The following ESRRG variants were observed in gnomAD, a reference collection of about 807,000 sequenced individuals.
The protein encoded by ESRRG is estrogen-related receptor gamma.
In ESRRG, 13 loss-of-function variants were observed where a neutral mutation model predicts 44.0. That is an observed-to-expected ratio of 0.30 (90% CI 0.19 to 0.47). The LOEUF (loss-of-function observed/expected upper bound fraction) is 0.47, where lower values mean the gene tolerates loss of function less well. Among genes scored for constraint, ESRRG ranks in the 20% least tolerant of loss-of-function variants. The pLI, the probability that ESRRG is intolerant of heterozygous loss-of-function variation, is 1.00. For missense variants in ESRRG, 395 were observed against 580.6 expected, an observed-to-expected ratio of 0.68 and a Z score of 3.29; for synonymous variants, 215 against 214.6, an observed-to-expected ratio of 1.00 and a Z score of -0.02.
At chr1:216,567,207 A>G (rs997526066) in intron 4 of ESRRG, among the ~76,000 whole-genome samples, 1 of 152,216 alleles carries the variant, frequency 6.6e-6, no homozygotes, top group Non-Finnish European at 1.5e-5. Context: ...ATTCATAAAC[A>G]TCCTAAAACG....
intron 2 of ESRRG, among the ~76,000 whole-genome samples, chr1:216,919,974 C>G (rs967868780): frequency 6.6e-6 from 1 of 152,102 alleles, no homozygotes; most frequent in East Asian, 1.9e-4. Context: ...GTGGCAGATG[C>G]CAGGCGAAGC....
intron 1 of ESRRG, chr1:216,714,435 C>G (rs965017262): frequency 4.0e-5 from 8 of 202,212 alleles, no homozygotes; most frequent in Non-Finnish European, 7.0e-5. Context: ...TCCCCCCACA[C>G]TTCAGGTTAT....
At chr1:216,853,143 C>T (rs1048590669) in intron 2 of ESRRG, among the ~76,000 whole-genome samples, 25 of 152,140 alleles carry the variant, frequency 1.6e-4, no homozygotes, top group Admixed American at 6.6e-5. Flanking sequence ...TGCTAAAGGA[C>T]TGAATCAAGT....
chr1:216,897,511 A>G (rs867644552), intron 2 of ESRRG, among the ~76,000 whole-genome samples: 26 of 152,334 alleles, frequency 1.7e-4, no homozygotes, highest in Middle Eastern at 3.4e-3. Context: ...GACAAATGCC[A>G]TTTCAAACAG....
At chr1:216,684,310 A>G (rs2151614799) in intron 1 of ESRRG, among the ~76,000 whole-genome samples, 1 of 152,328 alleles carries the variant, frequency 6.6e-6, no homozygotes, top group African/African-American at 2.4e-5. Context: ...GTGATATCAC[A>G]ATGTGTTGCA....
intron 2 of ESRRG, among the ~76,000 whole-genome samples, chr1:216,759,158 T>C (rs1427029439): frequency 6.6e-6 from 1 of 152,134 alleles, no homozygotes; most frequent in Non-Finnish European, 1.5e-5. Context: ...GAGTTCTAAT[T>C]TGCAAGTTTT....
intron 1 of ESRRG, among the ~76,000 whole-genome samples, chr1:216,710,119 T>C (rs969792150): frequency 2.6e-5 from 4 of 152,118 alleles, no homozygotes; most frequent in African/African-American, 7.2e-5. Flanking sequence ...CGGGTACAAG[T>C]CCAGAGTGGC....
At chr1:216,618,713 C>T (rs1420844051) in intron 3 of ESRRG, among the ~76,000 whole-genome samples, 1 of 152,156 alleles carries the variant, frequency 6.6e-6, no homozygotes, top group African/African-American at 2.4e-5. Flanking sequence ...CAGGGGAGAG[C>T]ATAAACCTCA....
rs1016995984 is a variant in ESRRG at position 216,504,048 on chromosome 1, T to G, written c.*2891A>C. On this transcript the variant is annotated 3_prime_UTR_variant, in exon 7 of 7. Coordinates refer to ENST00000408911, the MANE Select transcript of ESRRG (RefSeq NM_001438.4). ...TTTCCTATTTGTGAGATACTTACTC[T>G]TTTGTAATGCTGAGAGTTACTTAAA... The G allele has an allele frequency of 1.3e-5, 2 of 152,562 alleles. No homozygotes were observed. The highest frequency in any genetic ancestry group is 2.4e-5 in the African/African-American group (1 of 41,438). The allele number at this position is 152,562 out of a possible 1,614,324, so 9.5% of individuals were successfully genotyped here.
chr1:216,868,065 T>A (rs2096198371), intron 2 of ESRRG, among the ~76,000 whole-genome samples: 1 of 150,784 alleles, frequency 6.6e-6, no homozygotes, highest in Non-Finnish European at 1.5e-5. Context: ...TCCAAATTGT[T>A]GTGTATATTG....
chr1:217,075,595 C>G (rs1008042770), intron 1 of ESRRG, among the ~76,000 whole-genome samples: 3 of 146,954 alleles, frequency 2.0e-5, no homozygotes, highest in Admixed American at 6.7e-5. Context: ...CCTTTCCCCC[C>G]CCCAACATTA....
At chr1:216,525,469 G>T (rs2047360031) in intron 5 of ESRRG, among the ~76,000 whole-genome samples, 1 of 151,816 alleles carries the variant, frequency 6.6e-6, no homozygotes, top group Non-Finnish European at 1.5e-5. Context: ...AAGCCAAGAA[G>T]AAAGAAAAAA....
At chr1:216,607,130 A>G (rs1376596023) in intron 3 of ESRRG, among the ~76,000 whole-genome samples, 14 of 152,212 alleles carry the variant, frequency 9.2e-5, no homozygotes, top group Non-Finnish European at 5.9e-5. Flanking sequence ...TGTTACCTAG[A>G]AAGTATAAAA....
chr1:217,041,434 T>C (rs2083848143), intron 1 of ESRRG, among the ~76,000 whole-genome samples: 1 of 152,170 alleles, frequency 6.6e-6, no homozygotes, highest in Admixed American at 6.5e-5. Context: ...CACACATATG[T>C]ATATATCCAT....
intron 3 of ESRRG, among the ~76,000 whole-genome samples, chr1:216,614,504 C>A (rs907988253): frequency 2.6e-5 from 4 of 152,144 alleles, no homozygotes; most frequent in Non-Finnish European, 4.4e-5. Context: ...TAAGTGCATA[C>A]CATTAACAAT....
chr1:216,781,328 T>C (rs932669498), intron 2 of ESRRG, among the ~76,000 whole-genome samples: 2 of 151,896 alleles, frequency 1.3e-5, no homozygotes, highest in South Asian at 2.1e-4. Flanking sequence ...AGTAAGGCCA[T>C]AGAGAAATGA....
chr1:216,785,805 G>T (rs918318775), intron 2 of ESRRG, among the ~76,000 whole-genome samples: 1 of 152,006 alleles, frequency 6.6e-6, no homozygotes, highest in Non-Finnish European at 1.5e-5. Context: ...TCAATGTTAA[G>T]TGTGGGAAAG....
intron 1 of ESRRG, among the ~76,000 whole-genome samples, chr1:216,957,546 CTT>C (rs2068190241): frequency 6.6e-6 from 1 of 152,144 alleles, no homozygotes; most frequent in African/African-American, 2.4e-5. Context: ...ATCCTCAACT[CTT>C]TCTTTCTCTA....
chr1:216,831,015 G>A (rs997157815), intron 2 of ESRRG, among the ~76,000 whole-genome samples: 6 of 151,776 alleles, frequency 4.0e-5, no homozygotes, highest in Non-Finnish European at 5.9e-5. Flanking sequence ...AAGGAAAGGG[G>A]CAAGGTGGGG....
Sources: gnomAD v4.1 joint callset for allele counts (sites outside exome capture counted in the v4.1 genomes callset) on GRCh38, gnomAD v4.1.1 for gene constraint, MANE v1.5 for transcripts, NCBI Gene and HGNC (gene_info 2026-07-23, HGNC 2026-07-21) for gene names.